KIRREL3: variants seen among roughly 807,000 people sequenced by gnomAD.
KIRREL3 encodes kirre like nephrin family adhesion molecule 3.
KIRREL3 carries 36 observed loss-of-function variants against 89.7 expected under a neutral mutation model. The observed-to-expected ratio is 0.40, with a 90% CI of 0.31 to 0.53. The LOEUF (loss-of-function observed/expected upper bound fraction) is 0.53, where lower values mean the gene tolerates loss of function less well. Among genes scored for constraint, KIRREL3 ranks in the 20% least tolerant of loss-of-function variants. The pLI is 0.49. For missense variants in KIRREL3, 864 were observed against 1,056.6 expected, an observed-to-expected ratio of 0.82 and a Z score of 2.53; for synonymous variants, 445 against 441.4, an observed-to-expected ratio of 1.01 and a Z score of -0.10.
chr11:126,899,889 G>A (rs1001656672), intron 1 of KIRREL3, among the ~76,000 whole-genome samples: 6 of 152,226 alleles, frequency 3.9e-5, no homozygotes, highest in East Asian at 3.8e-4. Flanking sequence ...AAAGTAGCAA[G>A]TGGAGACTCT....
At chr11:126,765,125 A>G (rs1032086257) in intron 1 of KIRREL3, among the ~76,000 whole-genome samples, 9 of 152,184 alleles carry the variant, frequency 5.9e-5, no homozygotes, top group African/African-American at 1.9e-4. Context: ...CAAGCCATCT[A>G]TGGTTGCAGA....
At chr11:126,730,485 A>G (rs1012899427) in intron 1 of KIRREL3, among the ~76,000 whole-genome samples, 7 of 152,304 alleles carry the variant, frequency 4.6e-5, no homozygotes, top group African/African-American at 1.7e-4. Flanking sequence ...TCCATACTAC[A>G]TAAGTTTGCT....
chr11:126,826,845 C>G (rs1156295967), intron 1 of KIRREL3, among the ~76,000 whole-genome samples: 1 of 152,218 alleles, frequency 6.6e-6, no homozygotes, highest in East Asian at 1.9e-4. Context: ...TCCCCCAAAA[C>G]AAATGTTGTC....
chr11:126,915,827 T>C (rs1947016498), intron 1 of KIRREL3, among the ~76,000 whole-genome samples: 1 of 152,206 alleles, frequency 6.6e-6, no homozygotes, highest in Non-Finnish European at 1.5e-5. Context: ...TTTCACATTC[T>C]CTTATTCTCT....
chr11:126,830,946 C>T lies in KIRREL3; in HGVS notation c.55+169509G>A, dbSNP rs371427055. On this transcript the variant is annotated intron_variant, in intron 1 of 16. Transcript: ENST00000525144. This position sits in a 1 kb window ranked among gnomAD's most constrained non-coding sequence, Gnocchi z 4.9. ...TATGCCTTCATTGATGTGAATAATA[C>T]CACCCTGGGCATTACTATCACCCAG... Among the ~76,000 whole-genome samples the T allele has an allele frequency of 5.3e-5, 8 of 152,174 alleles. 1 individual carries two copies. The East Asian group carries it at 1.5e-3, about 29-fold the overall frequency.
chr11:126,610,419 G>A lies in KIRREL3; in HGVS notation c.56-47507C>T, dbSNP rs572987173. Among the ~76,000 whole-genome samples the A allele has an allele frequency of 1.6e-4, 24 of 152,296 alleles. 1 individual carries two copies. The South Asian group carries it at 4.8e-3, about 30-fold the overall frequency. On this transcript the variant is annotated intron_variant, in intron 1 of 16. Transcript: ENST00000525144. The surrounding 1 kb of genome is among the most constrained non-coding windows in gnomAD (Gnocchi z 4.6). ...TAAGAGGATTTTAACAGTTTCCCAA[G>A]CAATGCTTCATATTCACAAATGAAC... is the stretch of plus-strand genomic sequence containing the variant.
intron 1 of KIRREL3, among the ~76,000 whole-genome samples, chr11:126,853,919 T>C (rs1944419894): frequency 6.6e-6 from 1 of 152,190 alleles, no homozygotes. Context: ...AACGTATTAA[T>C]AAATACATGG....
At chr11:126,889,761 A>G (rs1945839929) in intron 1 of KIRREL3, among the ~76,000 whole-genome samples, 1 of 152,234 alleles carries the variant, frequency 6.6e-6, no homozygotes, top group South Asian at 2.1e-4. Flanking sequence ...ACTTTGGAAA[A>G]ATTATGAGAG....
intron 4 of KIRREL3, among the ~76,000 whole-genome samples, chr11:126,512,235 C>T (rs370427615): frequency 1.3e-5 from 2 of 152,230 alleles, no homozygotes; most frequent in African/African-American, 4.8e-5. Context: ...TGACTGATCC[C>T]CTGACCGGAT....
At chr11:126,820,951 T>C (rs1003704736) in intron 1 of KIRREL3, among the ~76,000 whole-genome samples, 5 of 152,056 alleles carry the variant, frequency 3.3e-5, no homozygotes, top group African/African-American at 1.2e-4. Context: ...AGGTGCTGGA[T>C]GGGTGTGTTT....
intron 1 of KIRREL3, among the ~76,000 whole-genome samples, chr11:126,858,379 G>T (rs1169733323): frequency 6.6e-6 from 1 of 152,170 alleles, no homozygotes; most frequent in Admixed American, 6.5e-5. Context: ...ACTGAGAAGG[G>T]TGTGTGTGGG....
At chr11:126,856,695 A>G (rs1048668718) in intron 1 of KIRREL3, among the ~76,000 whole-genome samples, 1 of 151,324 alleles carries the variant, frequency 6.6e-6, no homozygotes, top group Non-Finnish European at 1.5e-5. Flanking sequence ...GGCTCACTGC[A>G]AGCTCTGCCT....
intron 1 of KIRREL3, among the ~76,000 whole-genome samples, chr11:126,972,539 T>C (rs1949455344): frequency 1.3e-5 from 2 of 152,176 alleles, no homozygotes; most frequent in Admixed American, 1.3e-4. Flanking sequence ...CAGAGCTGGC[T>C]GCTGTGGAAA....
Position 126,898,440 on chromosome 11 carries a change from A to C in KIRREL3, c.55+102015T>G, listed in dbSNP as rs923148540. Among the ~76,000 whole-genome samples the C allele has an allele frequency of 6.6e-6, 1 of 152,242 alleles. No homozygotes were observed. Among genetic ancestry groups the C allele is most frequent in the Non-Finnish European group, 1.5e-5 (1 of 68,054 alleles). On this transcript the variant is annotated intron_variant, in intron 1 of 16. Transcript: ENST00000525144. This position sits in a 1 kb window ranked among gnomAD's most constrained non-coding sequence, Gnocchi z 4.9. The stretch of plus-strand genomic sequence containing the variant: ...TGGTATGAATGCTGGATTCTCACAC[A>C]GTGGGAAATTAGAAGAAACCTGGAG...
chr11:126,702,706 C>T (rs1350233330), intron 1 of KIRREL3, among the ~76,000 whole-genome samples: 1 of 152,256 alleles, frequency 6.6e-6, no homozygotes, highest in Non-Finnish European at 1.5e-5. Context: ...GGACAGGGCC[C>T]TCTCTGCCCA....
At position 126,612,385 on chromosome 11, in the gene KIRREL3, G is replaced by T. The variant is rs1943169330; in HGVS notation, c.56-49473C>A. Among the ~76,000 whole-genome samples the T allele has an allele frequency of 6.6e-6, 1 of 152,140 alleles. No homozygotes were observed. Among genetic ancestry groups the T allele is most frequent in the Non-Finnish European group, 1.5e-5 (1 of 68,030 alleles). ...AATAAATAAATGTGGTGTCAATTTG[G>T]ATTAATTTTCTTGATCTCATACTTG... On this transcript the variant is annotated intron_variant, in intron 1 of 16. Transcript: ENST00000525144. The surrounding 1 kb of genome is among the most constrained non-coding windows in gnomAD (Gnocchi z 4.5).
chr11:126,774,708 C>A (rs1168716341), intron 1 of KIRREL3, among the ~76,000 whole-genome samples: 1 of 152,158 alleles, frequency 6.6e-6, no homozygotes, highest in African/African-American at 2.4e-5. Context: ...AAAAAACTCT[C>A]CTTTGGACAA....
intron 1 of KIRREL3, among the ~76,000 whole-genome samples, chr11:126,784,609 G>C (rs1041728789): frequency 6.7e-6 from 1 of 148,206 alleles, no homozygotes; most frequent in African/African-American, 2.5e-5. Context: ...CGCTTATCCT[G>C]CACCTGAACA....
At chr11:126,804,949 G>A (rs1314337029) in intron 1 of KIRREL3, among the ~76,000 whole-genome samples, 1 of 152,142 alleles carries the variant, frequency 6.6e-6, no homozygotes, top group African/African-American at 2.4e-5. Context: ...TCAGAGGGTG[G>A]ATGAGGTCGG....
Sources: gnomAD v4.1 joint callset for allele counts (sites outside exome capture counted in the v4.1 genomes callset) on GRCh38, gnomAD v4.1.1 for gene constraint, Gnocchi (gnomAD v3.1) non-coding constraint, MANE v1.5 for transcripts, NCBI Gene and HGNC (gene_info 2026-07-23, HGNC 2026-07-21) for gene names.